TMCO5A: variants seen among roughly 807,000 people sequenced by gnomAD.
TMCO5A encodes the protein transmembrane and coiled-coil domain-containing protein 5A.
TMCO5A carries 34 observed loss-of-function variants against 42.3 expected under a neutral mutation model. The ratio of observed to expected loss-of-function variants is 0.80; its 90% CI spans 0.61 to 1.07. The LOEUF is 1.07. TMCO5A is among the 50% of genes least tolerant of loss of function. The probability of loss-of-function intolerance (pLI) is 0.00; values close to 1 mark genes in which losing one functional copy is unlikely to be tolerated. For synonymous variants in TMCO5A, 131 were observed against 115.6 expected (o/e 1.13, Z -0.86); for missense variants, 357 against 327.9 (o/e 1.09, Z -0.69).
the TMCO5A span, among the ~76,000 whole-genome samples, chr15:37,996,463 T>C: frequency 2.6e-5 from 4 of 152,242 alleles, no homozygotes; most frequent in Admixed American, 6.5e-5. Context: ...GCTCTCTACC[T>C]GTCTAATGAC....
the TMCO5A span, among the ~76,000 whole-genome samples, chr15:38,025,886 T>C: frequency 1.4e-4 from 21 of 152,332 alleles, no homozygotes; most frequent in African/African-American, 4.6e-4. Context: ...TCTGATGCTT[T>C]TATCAGGGGT....
At chr15:37,991,954 G>C in the TMCO5A span, among the ~76,000 whole-genome samples, 3 of 152,076 alleles carry the variant, frequency 2.0e-5, no homozygotes, top group Non-Finnish European at 2.9e-5. Context: ...ACTGGCAAAG[G>C]TTTCATGATG....
the TMCO5A span, among the ~76,000 whole-genome samples, chr15:38,018,719 A>C: frequency 1.1e-4 from 17 of 152,210 alleles, 1 homozygote; most frequent in African/African-American, 4.1e-4. Flanking sequence ...CCTGATCTAA[A>C]GTTTTCTATC....
At chr15:37,991,148 A>G in the TMCO5A span, among the ~76,000 whole-genome samples, 1 of 152,144 alleles carries the variant, frequency 6.6e-6, no homozygotes, top group Non-Finnish European at 1.5e-5. Flanking sequence ...TTACAATAAT[A>G]CTAGCTTTTA....
intron 2 of TMCO5A, chr15:37,936,110 A>C (rs1889500880): frequency 2.2e-6 from 1 of 463,314 alleles, no homozygotes; most frequent in African/African-American, 2.0e-5. Context: ...AAAGCCTGGG[A>C]AAGACCCTTG....
At chr15:38,005,264 G>GAAAAAAAAAAAAAAAAA in the TMCO5A span, among the ~76,000 whole-genome samples, 1 of 89,318 alleles carries the variant, frequency 1.1e-5, no homozygotes, top group African/African-American at 3.3e-5. Flanking sequence ...GTACTTGACA[G>GAAAAAAAAAAAAAAAAA]AAAAAAAAAA....
At chr15:38,004,410 C>A in the TMCO5A span, among the ~76,000 whole-genome samples, 2 of 152,106 alleles carry the variant, frequency 1.3e-5, no homozygotes, top group Non-Finnish European at 2.9e-5. Context: ...CATGTGTGCC[C>A]CAAGTCCACT....
chr15:37,966,828 G>A, exon 12 of TMCO5A: 1 of 634,530 alleles, frequency 1.6e-6, no homozygotes, highest in South Asian at 1.8e-5. Flanking sequence ...ACTCTGATTG[G>A]TCAAGCTTAT....
intron 10 of TMCO5A, chr15:37,944,013 G>C (rs1384550444): frequency 6.6e-6 from 1 of 152,100 alleles, no homozygotes; most frequent in Non-Finnish European, 1.5e-5. Flanking sequence ...AGGATAAAAG[G>C]TTAAAGTTAA....
downstream of TMCO5A, among the ~76,000 whole-genome samples, chr15:37,971,287 C>A (rs909813766): frequency 6.6e-6 from 1 of 152,172 alleles, no homozygotes; most frequent in Non-Finnish European, 1.5e-5. Flanking sequence ...TCTGAAGCAA[C>A]AGACTGAGCT....
At chr15:38,006,054 G>A in the TMCO5A span, among the ~76,000 whole-genome samples, 1 of 152,176 alleles carries the variant, frequency 6.6e-6, no homozygotes, top group African/African-American at 2.4e-5. Flanking sequence ...GCTGGGGAGT[G>A]AGTGATGATA....
the TMCO5A span, among the ~76,000 whole-genome samples, chr15:37,976,793 C>CTTTTTTTTTTTTTT: frequency 1.3e-4 from 15 of 116,842 alleles, no homozygotes; most frequent in South Asian, 2.8e-4. Flanking sequence ...TTTCTTCTTT[C>CTTTTTTTTTTTTTT]TTTTTTTTTT....
At chr15:38,026,593 C>G in the TMCO5A span, among the ~76,000 whole-genome samples, 1 of 152,234 alleles carries the variant, frequency 6.6e-6, no homozygotes, top group Non-Finnish European at 1.5e-5. Context: ...GAAATTCAAG[C>G]TGGCTTCATA....
the TMCO5A span, among the ~76,000 whole-genome samples, chr15:38,016,197 C>G: frequency 1.3e-5 from 2 of 152,052 alleles, no homozygotes. Context: ...ACCTTCTGCT[C>G]AATGTTGCTG....
chr15:37,936,446 G>A lies in TMCO5A; in HGVS notation c.123G>A (p.Arg41=), dbSNP rs1889514400. ...NQKLLLKIQE[R]EDKIQRLESE... ...AACTTCTTCTCAAAATCCAAGAGAG[G>A]GAAGATAAGATTCAGAGGTGAGTAT... Residue 41 remains arginine, a synonymous_variant, in exon 3 of 12, where the codon AGG becomes AGA. Coordinates refer to ENST00000319669, the MANE Select transcript of TMCO5A (RefSeq NM_152453.4). 1.9e-6 allele frequency: 3 copies of A among 1,612,580 alleles called. No homozygotes were observed. The highest frequency in any genetic ancestry group is 4.5e-5 in the East Asian group (2 of 44,828).
At chr15:37,977,294 C>G in the TMCO5A span, among the ~76,000 whole-genome samples, 1 of 152,108 alleles carries the variant, frequency 6.6e-6, no homozygotes, top group Non-Finnish European at 1.5e-5. Context: ...GACACTCTGG[C>G]TTTTTGAGCT....
At chr15:37,949,135 A>C (rs919074225) in intron 11 of TMCO5A, among the ~76,000 whole-genome samples, 1 of 152,088 alleles carries the variant, frequency 6.6e-6, no homozygotes, top group Non-Finnish European at 1.5e-5. Context: ...TAAATAACTC[A>C]TCAGTTGAAA....
At chr15:37,975,554 C>T in the TMCO5A span, among the ~76,000 whole-genome samples, 1 of 151,120 alleles carries the variant, frequency 6.6e-6, no homozygotes, top group Admixed American at 6.6e-5. Flanking sequence ...ATTAGAACAG[C>T]AACCCCTGCT....
At chr15:38,023,718 G>A in the TMCO5A span, among the ~76,000 whole-genome samples, 20 of 152,260 alleles carry the variant, frequency 1.3e-4, no homozygotes, top group South Asian at 6.2e-4. Context: ...AGCATTTGGC[G>A]GATGAAGGAG....
Sources: gnomAD v4.1 joint callset for allele counts (sites outside exome capture counted in the v4.1 genomes callset) on GRCh38, gnomAD v4.1.1 for gene constraint, MANE v1.5 for transcripts, NCBI Gene and HGNC (gene_info 2026-07-23, HGNC 2026-07-21) for gene names.